DYM: variants seen among roughly 807,000 people sequenced by gnomAD.
The protein encoded by DYM is dymeclin.
DYM carries 78 observed loss-of-function variants against 93.1 expected under a neutral mutation model. The observed-to-expected ratio is 0.84, with a 90% CI of 0.70 to 1.01. The LOEUF (loss-of-function observed/expected upper bound fraction) is 1.01, where lower values mean the gene tolerates loss of function less well. DYM is among the 50% of genes least tolerant of loss of function. The probability of loss-of-function intolerance (pLI) is 0.00; values close to 1 mark genes in which losing one functional copy is unlikely to be tolerated. For synonymous variants in DYM, 321 were observed against 319.7 expected (o/e 1.00, Z -0.04); for missense variants, 789 against 845.0 (o/e 0.93, Z 0.82).
intron 8 of DYM, among the ~76,000 whole-genome samples, chr18:49,312,057 A>T (rs948418032): frequency 2.6e-5 from 4 of 152,146 alleles, no homozygotes; most frequent in Non-Finnish European, 5.9e-5. Context: ...TAGGAAAGCT[A>T]CAGACACTGG....
chr18:49,356,630 A>G (rs2065593242), intron 6 of DYM, among the ~76,000 whole-genome samples: 1 of 152,138 alleles, frequency 6.6e-6, no homozygotes, highest in Admixed American at 6.6e-5. Context: ...GTTGCCAACC[A>G]TGGGTCTCTC....
chr18:49,085,865 A>T (rs2078478377), intron 17 of DYM, among the ~76,000 whole-genome samples: 1 of 152,154 alleles, frequency 6.6e-6, no homozygotes, highest in Non-Finnish European at 1.5e-5. Flanking sequence ...TTGGCCTCCC[A>T]AAGTGCTGGG....
At chr18:49,340,364 A>G (rs1181111026) in intron 6 of DYM, among the ~76,000 whole-genome samples, 1 of 152,228 alleles carries the variant, frequency 6.6e-6, no homozygotes, top group Admixed American at 6.5e-5. Flanking sequence ...GAGTTCTATA[A>G]CACAATTCTA....
chr18:49,383,706 T>C lies in DYM; in HGVS notation c.194-3948A>G, dbSNP rs1322241468. On this transcript the variant is annotated intron_variant, in intron 3 of 17. Transcript: ENST00000675505. Reference sequence around the variant, plus strand: ...TGTATAAACCAGATATATTTATTTATTCTCTGGTTCCTCAATGAAATAGAC... The same window carrying C: ...TGTATAAACCAGATATATTTATTTACTCTCTGGTTCCTCAATGAAATAGAC... Among the ~76,000 whole-genome samples, 3 of 152,230 alleles carry C rather than the reference T, an allele frequency of 2.0e-5. No homozygotes were observed. The East Asian group carries it at 5.8e-4, about 29-fold the overall frequency.
At chr18:49,280,952 G>C (rs2145720923) in intron 10 of DYM, among the ~76,000 whole-genome samples, 1 of 152,274 alleles carries the variant, frequency 6.6e-6, no homozygotes, top group East Asian at 1.9e-4. Context: ...ATTGACAAAT[G>C]GGATCTAATT....
chr18:49,313,765 G>A (rs994982221), intron 8 of DYM, among the ~76,000 whole-genome samples: 30 of 152,054 alleles, frequency 2.0e-4, no homozygotes, highest in Non-Finnish European at 4.0e-4. Context: ...CTTGGGATCT[G>A]GATCGGGACC....
intron 13 of DYM, among the ~76,000 whole-genome samples, chr18:49,220,600 G>A (rs184027122): frequency 0.038 from 5,756 of 151,520 alleles, 294 homozygotes; most frequent in African/African-American, 0.12. Context: ...AAATAATGCC[G>A]CATATCTACA....
chr18:49,039,636 C>T lies in DYM; in HGVS notation c.*4419G>A, dbSNP rs142664963. On this transcript the variant is annotated 3_prime_UTR_variant, in exon 18 of 18. Coordinates refer to ENST00000675505, the MANE Select transcript of DYM (RefSeq NM_001353214.3). ...AATTCCTGCTCCCACCCCTCACCCTCAATTTTTCATCTTACTCATTCTCTT... is the reference window on the plus strand; with the variant it reads ...AATTCCTGCTCCCACCCCTCACCCTTAATTTTTCATCTTACTCATTCTCTT... Among the ~76,000 whole-genome samples the T allele has an allele frequency of 3.3e-5, 5 of 152,172 alleles. No homozygotes were observed. In the East Asian group the frequency reaches 9.7e-4, roughly 29 times the overall value.
At chr18:49,275,705 T>C (rs2094832640) in intron 10 of DYM, among the ~76,000 whole-genome samples, 1 of 152,122 alleles carries the variant, frequency 6.6e-6, no homozygotes, top group Admixed American at 6.6e-5. Flanking sequence ...AGCAAGACCC[T>C]ATCTCTATCT....
At chr18:49,336,251 T>C (rs1415961283) in intron 6 of DYM, among the ~76,000 whole-genome samples, 2 of 152,210 alleles carry the variant, frequency 1.3e-5, no homozygotes, top group East Asian at 3.8e-4. Flanking sequence ...CCAAAATCTA[T>C]GACTATTAAT....
intron 5 of DYM, among the ~76,000 whole-genome samples, chr18:49,366,723 A>G (rs1202384289): frequency 2.0e-5 from 3 of 152,230 alleles, no homozygotes; most frequent in Non-Finnish European, 4.4e-5. Context: ...CTTAGTTTCT[A>G]TAAGATCATA....
At position 49,209,710 on chromosome 18, in the gene DYM, G is replaced by C; in HGVS notation, c.1466C>G (p.Thr489Ser). Residue 489 changes from threonine (T) to serine (S), a missense_variant, in exon 14 of 18, where the codon ACC becomes AGC. Thr to Ser is a moderately conservative substitution (Grantham distance 58). This residue lies in a region of DYM where 225 missense variants were observed against 303.0 expected (regional missense o/e 0.74). Coordinates refer to ENST00000675505, the MANE Select transcript of DYM (RefSeq NM_001353214.3). ...QYAAQRIISY[T>S]CRHLRRYVYV... is the part of the protein sequence containing the mutation. Reference sequence around the variant, plus strand: ...AACATATCTCCGCAAGTGGCGGCAGGTATAACTGAAAGACAAAGGTAAAAG... The same window carrying C: ...AACATATCTCCGCAAGTGGCGGCAGCTATAACTGAAAGACAAAGGTAAAAG... The C allele has an allele frequency of 7.9e-7, 1 of 1,270,508 alleles. No homozygotes were observed. Among genetic ancestry groups the C allele is most frequent in the Non-Finnish European group, 1.0e-6 (1 of 977,966 alleles). The allele number at this position is 1,270,508 out of a possible 1,614,324, so 78.7% of individuals were successfully genotyped here.
rs2070828706 is a variant in DYM at position 49,039,579 on chromosome 18, CT to C, written c.*4475del. On this transcript the variant is annotated 3_prime_UTR_variant, in exon 18 of 18. Transcript: ENST00000675505. Reference sequence around the variant, plus strand: ...CTGTACCCTTTAAGTCTCTTACCCTCTATTCTCCATGTTCTGTTTTTTTTAC... The same window carrying C: ...CTGTACCCTTTAAGTCTCTTACCCTCATTCTCCATGTTCTGTTTTTTTTAC... 1.3e-5 allele frequency among the ~76,000 whole-genome samples: 2 copies of C among 152,102 alleles called. No individual in the cohort carries two copies. Among genetic ancestry groups the C allele is most frequent in the South Asian group, 4.1e-4 (2 of 4,824 alleles).
chr18:49,188,176 A>C (rs1184899563), intron 14 of DYM, among the ~76,000 whole-genome samples: 1 of 152,224 alleles, frequency 6.6e-6, no homozygotes, highest in East Asian at 1.9e-4. Context: ...TAGCATTATC[A>C]CTATGGCAGA....
chr18:49,256,893 T>G, intron 13 of DYM, 117 bp downstream of exon 13: 1 of 855,218 alleles, frequency 1.2e-6, no homozygotes, highest in Non-Finnish European at 1.9e-6. Context: ...GTGATAAAAA[T>G]TAAGTAGGAA....
chr18:49,369,026 C>A (rs1170843267), intron 5 of DYM, among the ~76,000 whole-genome samples: 1 of 152,256 alleles, frequency 6.6e-6, no homozygotes, highest in Non-Finnish European at 1.5e-5. Flanking sequence ...GCGGTGTGCA[C>A]AGGCAGAGCC....
chr18:49,335,605 A>C (rs956634531), intron 6 of DYM, among the ~76,000 whole-genome samples: 5 of 152,200 alleles, frequency 3.3e-5, no homozygotes, highest in African/African-American at 4.8e-5. Flanking sequence ...CAGAACCCCC[A>C]AAAATTTTGT....
intron 6 of DYM, among the ~76,000 whole-genome samples, chr18:49,351,500 G>A (rs2147172170): frequency 6.6e-6 from 1 of 150,978 alleles, no homozygotes; most frequent in East Asian, 1.9e-4. Context: ...TTCCATCAAT[G>A]AAAAAATATC....
intron 16 of DYM, among the ~76,000 whole-genome samples, chr18:49,112,225 T>C (rs2081489057): frequency 2.0e-5 from 3 of 149,420 alleles, no homozygotes. Flanking sequence ...CGCATTTTTC[T>C]ATTGGTACAT....
Sources: gnomAD v4.1 joint callset for allele counts (sites outside exome capture counted in the v4.1 genomes callset) on GRCh38, gnomAD v4.1.1 for gene constraint, gnomAD v4.1.1 regional missense constraint, MANE v1.5 for transcripts, NCBI Gene and HGNC (gene_info 2026-07-23, HGNC 2026-07-21) for gene names.